MYO1D: variants seen among roughly 807,000 people sequenced by gnomAD.
The protein encoded by MYO1D is myosin ID, also known as unconventional myosin-Id.
A neutral mutation model predicts 122.0 loss-of-function variants in MYO1D; 83 were observed. That is an observed-to-expected ratio of 0.68 (90% confidence interval 0.57 to 0.82). The LOEUF (loss-of-function observed/expected upper bound fraction) is 0.82. Ranked by LOEUF, MYO1D falls within the 40% of genes least tolerant of loss-of-function variation. The probability of loss-of-function intolerance (pLI) is 0.00; values close to 1 mark genes in which losing one functional copy is unlikely to be tolerated. For synonymous variants in MYO1D, 464 were observed against 446.9 expected, an observed-to-expected ratio of 1.04 and a Z score of -0.48; for missense variants, 1,157 against 1,269.5, an observed-to-expected ratio of 0.91 and a Z score of 1.35.
intron 10 of MYO1D, 137 bp from the exon 11 acceptor site, chr17:32,755,799 T>TA: frequency 3.0e-6 from 2 of 658,138 alleles, no homozygotes; most frequent in South Asian, 4.5e-5. Flanking sequence ...AAAGAGGTCT[T>TA]ACGCTAAAAA....
intron 3 of MYO1D, 65 bp from the exon 4 acceptor site, chr17:32,776,094 G>C (rs2090169411): frequency 1.4e-6 from 2 of 1,434,056 alleles, no homozygotes; most frequent in South Asian, 1.3e-5. Flanking sequence ...TTAAAAACTG[G>C]ATTTTGCTAA....
At chr17:32,785,080 A>T (rs1050426985) in intron 1 of MYO1D, among the ~76,000 whole-genome samples, 26 of 152,204 alleles carry the variant, frequency 1.7e-4, no homozygotes, top group African/African-American at 6.3e-4. Flanking sequence ...GAAATGAGGA[A>T]AGGAAAATTG....
chr17:32,630,924 TTC>T (rs1447250451), intron 20 of MYO1D, among the ~76,000 whole-genome samples: 1 of 152,170 alleles, frequency 6.6e-6, no homozygotes, highest in East Asian at 1.9e-4. Context: ...GATGGCTGTC[TTC>T]TCTCTGTCTT....
At chr17:32,734,462 T>C (rs2151000314) in intron 14 of MYO1D, among the ~76,000 whole-genome samples, 1 of 152,274 alleles carries the variant, frequency 6.6e-6, no homozygotes, top group South Asian at 2.1e-4. Context: ...TTTTCTTACT[T>C]CTTTCTTCAG....
chr17:32,728,457 T>G (rs549355146), intron 14 of MYO1D, among the ~76,000 whole-genome samples: 1 of 152,180 alleles, frequency 6.6e-6, no homozygotes, highest in African/African-American at 2.4e-5. Context: ...CTGCCCACCT[T>G]GGACTCCCAA....
At chr17:32,644,409 T>C (rs1246754576) in intron 19 of MYO1D, among the ~76,000 whole-genome samples, 1 of 152,004 alleles carries the variant, frequency 6.6e-6, no homozygotes, top group Non-Finnish European at 1.5e-5. Flanking sequence ...GGGTGGAGAG[T>C]TCTGTAGATG....
In MYO1D at chr17:32,778,484, CA is replaced by C. The variant is rs750887604; in HGVS notation, c.393del (p.Glu132LysfsTer3). ...CCATTATTAGAGTGCTCTTACCTTT[CA>C]ACCTCTGCTCTCTGACTGGGGTTGG... ...AITNPSQRAEVERVKNMLLKS... is the reference protein window; with the variant it reads ...AITNPSQRAEXERVKNMLLKS... On this transcript the variant is annotated frameshift_variant, in exon 3 of 22. Transcript: ENST00000318217. LOFTEE classifies it high-confidence loss of function. 3.1e-6 allele frequency: 5 copies of C among 1,612,464 alleles called. No individual in the cohort carries two copies. The highest frequency in any genetic ancestry group is 1.1e-5 in the South Asian group (1 of 91,018).
intron 20 of MYO1D, among the ~76,000 whole-genome samples, chr17:32,613,569 A>G (rs1011077082): frequency 5.3e-5 from 8 of 152,002 alleles, no homozygotes; most frequent in Admixed American, 1.3e-4. Flanking sequence ...AGGTCAGGAG[A>G]TCAAGATCAT....
intron 16 of MYO1D, among the ~76,000 whole-genome samples, chr17:32,688,951 G>GTGTGTA (rs1337666345): frequency 6.6e-6 from 1 of 150,734 alleles, no homozygotes; most frequent in African/African-American, 2.5e-5. Flanking sequence ...GTGTGTGTAT[G>GTGTGTA]TGTGTATGTG....
intron 4 of MYO1D, among the ~76,000 whole-genome samples, chr17:32,774,093 C>T (rs571925221): frequency 1.5e-4 from 23 of 152,162 alleles, no homozygotes; most frequent in Non-Finnish European, 3.1e-4. Flanking sequence ...CACCTCCCCT[C>T]CTCACACCCG....
chr17:32,517,182 G>A (rs753854703), intron 21 of MYO1D, among the ~76,000 whole-genome samples: 2 of 152,228 alleles, frequency 1.3e-5, no homozygotes, highest in Non-Finnish European at 2.9e-5. Context: ...GACACCCTGG[G>A]TAATATTTAG....
At position 32,856,615 on chromosome 17, in the gene MYO1D, C is replaced by T. The variant is rs574360440; in HGVS notation, c.95+20163G>A. ...TTCATCCTTCTCTTCCTTGGCCTTT[C>T]TCAAGTGTGCAACTTTGCTGACCCC... On this transcript the variant is annotated intron_variant, in intron 1 of 21. Coordinates refer to ENST00000318217, the MANE Select transcript of MYO1D (RefSeq NM_015194.3). Among the ~76,000 whole-genome samples, 7 of 152,292 alleles carry T rather than the reference C, an allele frequency of 4.6e-5. No individual in the cohort carries two copies. The South Asian group carries it at 1.5e-3, about 32-fold the overall frequency.
At chr17:32,635,262 C>G (rs1433834442) in intron 20 of MYO1D, among the ~76,000 whole-genome samples, 1 of 152,128 alleles carries the variant, frequency 6.6e-6, no homozygotes, top group Non-Finnish European at 1.5e-5. Context: ...GAAAGAATGG[C>G]AGAAACATAG....
At chr17:32,585,652 C>T (rs1216899759) in intron 21 of MYO1D, among the ~76,000 whole-genome samples, 4 of 150,592 alleles carry the variant, frequency 2.7e-5, no homozygotes, top group Non-Finnish European at 4.4e-5. Flanking sequence ...ATCTTTTGAA[C>T]GTGGGAGGCG....
In MYO1D at chr17:32,710,122, T is replaced by G. The variant is rs576898990; in HGVS notation, c.2121+1866A>C. Among the ~76,000 whole-genome samples the G allele has an allele frequency of 2.4e-4, 36 of 152,262 alleles. No individual in the cohort carries two copies. In the South Asian group the frequency reaches 7.5e-3, roughly 32 times the overall value. On this transcript the variant is annotated intron_variant, in intron 16 of 21. Coordinates refer to ENST00000318217, the MANE Select transcript of MYO1D (RefSeq NM_015194.3). ...GAATAAAGGTCTATGTATAGGTTAA[T>G]CAACCTTAATAAAGAAGTAGAAAAG...
At chr17:32,858,951 AAT>A (rs1301152398) in intron 1 of MYO1D, among the ~76,000 whole-genome samples, 1 of 152,156 alleles carries the variant, frequency 6.6e-6, no homozygotes. Context: ...GCTTTCTGAA[AAT>A]ACAAGATGCC....
intron 21 of MYO1D, among the ~76,000 whole-genome samples, chr17:32,552,688 T>C (rs1225519024): frequency 2.0e-5 from 3 of 152,180 alleles, no homozygotes; most frequent in Non-Finnish European, 4.4e-5. Context: ...GCAGTGGAAA[T>C]GCTCTTGCTC....
At chr17:32,685,491 TTTC>T (rs2088992471) in intron 16 of MYO1D, among the ~76,000 whole-genome samples, 1 of 152,226 alleles carries the variant, frequency 6.6e-6, no homozygotes, top group Non-Finnish European at 1.5e-5. Context: ...CTTGCTTCTT[TTTC>T]ATAACTCCAT....
chr17:32,714,964 A>T (rs777375851), intron 15 of MYO1D, among the ~76,000 whole-genome samples: 2 of 151,776 alleles, frequency 1.3e-5, no homozygotes, highest in South Asian at 2.1e-4. Flanking sequence ...CAAATGTACA[A>T]GAAAAAAAAA....
Sources: gnomAD v4.1 joint callset for allele counts (sites outside exome capture counted in the v4.1 genomes callset) on GRCh38, gnomAD v4.1.1 for gene constraint, MANE v1.5 for transcripts, NCBI Gene and HGNC (gene_info 2026-07-23, HGNC 2026-07-21) for gene names.